Variants in C1orf94 observed in about 807,000 individuals in gnomAD.
C1orf94 encodes chromosome 1 open reading frame 94.
Under a neutral mutation model 53.6 loss-of-function variants are expected in C1orf94, and 45 were observed. That is an observed-to-expected ratio of 0.84 (90% confidence interval 0.66 to 1.08). C1orf94 has a LOEUF of 1.08. Among genes scored for constraint, C1orf94 ranks in the 50% least tolerant of loss-of-function variants. The pLI is 0.00. For synonymous variants in C1orf94, 304 were observed against 296.1 expected, an observed-to-expected ratio of 1.03 and a Z score of -0.27; for missense variants, 762 against 738.9, an observed-to-expected ratio of 1.03 and a Z score of -0.36.
chr1:34,180,007 A>G (rs928470970), intron 1 of C1orf94, among the ~76,000 whole-genome samples: 6 of 152,228 alleles, frequency 3.9e-5, no homozygotes, highest in Non-Finnish European at 7.3e-5. Flanking sequence ...ATTGTCAACC[A>G]AATAGAACAC....
chr1:34,171,457 A>AGATG (rs74536993), intron 1 of C1orf94, among the ~76,000 whole-genome samples: 53,173 of 151,084 alleles, frequency 0.35, 9,846 homozygotes, highest in Middle Eastern at 0.46. Context: ...ATGGATAAAC[A>AGATG]GATGGATGGA....
Position 34,209,318 on chromosome 1 carries a change from ACATG to A in C1orf94, c.1524+1087_1524+1090del, listed in dbSNP as rs1642852684. Among the ~76,000 whole-genome samples, 3 of 146,262 alleles carry A rather than the reference ACATG, an allele frequency of 2.1e-5. No individual in the cohort carries two copies. The South Asian group carries it at 6.9e-4, about 34-fold the overall frequency. ...CACACACACACACACACACACACACACATGCAGACAGAAACACAGGTATAGTTGT... is the reference window on the plus strand; with the variant it reads ...CACACACACACACACACACACACACACAGACAGAAACACAGGTATAGTTGT... On this transcript the variant is annotated intron_variant, in intron 5 of 6. Coordinates refer to ENST00000488417, the MANE Select transcript of C1orf94 (RefSeq NM_001134734.2).
intron 1 of C1orf94, among the ~76,000 whole-genome samples, chr1:34,184,586 CTGAGGCTATTTGTTG>C (rs1642358201): frequency 1.3e-5 from 2 of 152,220 alleles, no homozygotes; most frequent in Non-Finnish European, 2.9e-5. Flanking sequence ...TGGCAGCTTT[CTGAGGCTATTTGTTG>C]CAAGAAGGAA....
intron 1 of C1orf94, among the ~76,000 whole-genome samples, chr1:34,179,113 C>A (rs904646857): frequency 6.6e-6 from 1 of 152,240 alleles, no homozygotes; most frequent in African/African-American, 2.4e-5. Context: ...GATGCCTAAG[C>A]AAGAGCTAAG....
chr1:34,201,390 A>G (rs1642705059), intron 3 of C1orf94, among the ~76,000 whole-genome samples: 1 of 152,148 alleles, frequency 6.6e-6, no homozygotes, highest in Non-Finnish European at 1.5e-5. Flanking sequence ...CTTTTCCTAC[A>G]AGGGTTCTAG....
intron 5 of C1orf94, among the ~76,000 whole-genome samples, chr1:34,210,960 G>C (rs1642879260): frequency 1.3e-5 from 2 of 151,652 alleles, no homozygotes; most frequent in Admixed American, 1.3e-4. Flanking sequence ...CCCCCTTTGT[G>C]GATTTTTTTT....
At chr1:34,185,426 T>C (rs763239211) in intron 1 of C1orf94, among the ~76,000 whole-genome samples, 12 of 152,198 alleles carry the variant, frequency 7.9e-5, no homozygotes, top group Non-Finnish European at 1.2e-4. Context: ...GTGATCCACC[T>C]GGCTTGGCCT....
intron 1 of C1orf94, among the ~76,000 whole-genome samples, chr1:34,196,059 A>T (rs1642574469): frequency 6.6e-6 from 1 of 152,128 alleles, no homozygotes; most frequent in African/African-American, 2.4e-5. Context: ...TAGTTTCCAG[A>T]ATGCTTGGTG....
intron 6 of C1orf94, among the ~76,000 whole-genome samples, chr1:34,213,528 C>A (rs4652998): frequency 0.46 from 69,364 of 151,818 alleles, 16,527 homozygotes; most frequent in Admixed American, 0.56. Flanking sequence ...ACACCCTTTT[C>A]TTTTTTTATT....
chr1:34,171,435 T>C (rs1642143294), intron 1 of C1orf94, among the ~76,000 whole-genome samples: 1 of 151,068 alleles, frequency 6.6e-6, no homozygotes, highest in African/African-American at 2.4e-5. Flanking sequence ...TCAGGGAATT[T>C]TTGCTGGATG....
At chr1:34,205,834 C>A (rs1435516980) in intron 4 of C1orf94, among the ~76,000 whole-genome samples, 1 of 152,112 alleles carries the variant, frequency 6.6e-6, no homozygotes, top group Non-Finnish European at 1.5e-5. Context: ...AAGACAAAGT[C>A]CCCAACACCG....
At chr1:34,184,094 G>T (rs1642350300) in intron 1 of C1orf94, among the ~76,000 whole-genome samples, 1 of 152,128 alleles carries the variant, frequency 6.6e-6, no homozygotes, top group African/African-American at 2.4e-5. Flanking sequence ...TGGTACTTAG[G>T]GAAGTCTTCC....
Position 34,204,711 on chromosome 1 carries a change from G to T in C1orf94, c.1446+2452G>T, listed in dbSNP as rs74063797. Among the ~76,000 whole-genome samples the T allele has an allele frequency of 1.8e-3, 273 of 152,260 alleles. 1 individual carries two copies. Among genetic ancestry groups the T allele is most frequent in the African/African-American group, 5.3e-3 (219 of 41,550 alleles). On this transcript the variant is annotated intron_variant, in intron 4 of 6. Transcript: ENST00000488417. ...TCCCTACAAGCCTACTAGAGGCTGAGCATTGTTCTAGGTGGAGGGATTCAA... is the reference window on the plus strand; with the variant it reads ...TCCCTACAAGCCTACTAGAGGCTGATCATTGTTCTAGGTGGAGGGATTCAA...
intron 1 of C1orf94, among the ~76,000 whole-genome samples, chr1:34,188,028 G>A (rs1642415193): frequency 6.6e-6 from 1 of 152,148 alleles, no homozygotes; most frequent in Non-Finnish European, 1.5e-5. Context: ...GAAATGGGAT[G>A]CGAGATTCTG....
chr1:34,173,212 C>A (rs1275178584), upstream of C1orf94, among the ~76,000 whole-genome samples: 1 of 152,192 alleles, frequency 6.6e-6, no homozygotes, highest in Non-Finnish European at 1.5e-5. Context: ...GGTGAGAAAT[C>A]ACAGCCCATC....
intron 5 of C1orf94, among the ~76,000 whole-genome samples, chr1:34,210,889 G>T (rs1642877942): frequency 6.6e-6 from 1 of 151,984 alleles, no homozygotes; most frequent in Non-Finnish European, 1.5e-5. Context: ...TCCTGACCTT[G>T]TGATCCACCC....
upstream of C1orf94, among the ~76,000 whole-genome samples, chr1:34,173,217 C>T (rs1196015116): frequency 2.0e-5 from 3 of 152,122 alleles, no homozygotes; most frequent in East Asian, 5.8e-4. Context: ...GAAATCACAG[C>T]CCATCACAAA....
intron 6 of C1orf94, among the ~76,000 whole-genome samples, chr1:34,217,591 G>A (rs1288105569): frequency 6.6e-5 from 10 of 152,208 alleles, no homozygotes; most frequent in Admixed American, 2.0e-4. Flanking sequence ...AATAGGTAAA[G>A]TCTCTGCTCT....
At chr1:34,179,584 C>G (rs927044757) in intron 1 of C1orf94, among the ~76,000 whole-genome samples, 2 of 152,250 alleles carry the variant, frequency 1.3e-5, no homozygotes, top group Non-Finnish European at 2.9e-5. Context: ...TTGGCCTTTA[C>G]TTCCTCATTT....
Sources: allele counts gnomAD v4.1 joint callset (sites outside exome capture counted in the v4.1 genomes callset), GRCh38; gene constraint gnomAD v4.1.1; transcripts MANE v1.5; gene names NCBI Gene and HGNC (gene_info 2026-07-23, HGNC 2026-07-21).